The following ZC3H8 variants were observed in gnomAD, a reference collection of about 807,000 sequenced individuals.
ZC3H8 encodes zinc finger CCCH domain-containing protein 8.
Under a neutral mutation model 42.5 loss-of-function variants are expected in ZC3H8, and 27 were observed. The ratio of observed to expected loss-of-function variants is 0.64; its 90% CI spans 0.47 to 0.88. The LOEUF (loss-of-function observed/expected upper bound fraction) is 0.88. Among genes scored for constraint, ZC3H8 ranks in the 40% least tolerant of loss-of-function variants. The probability of loss-of-function intolerance (pLI) is 0.00; values close to 1 mark genes in which losing one functional copy is unlikely to be tolerated. For missense variants in ZC3H8, 277 were observed against 336.1 expected, an observed-to-expected ratio of 0.82 and a Z score of 1.37; for synonymous variants, 101 against 110.1, an observed-to-expected ratio of 0.92 and a Z score of 0.52.
At chr2:112,245,546 C>T (rs995410182) in intron 2 of ZC3H8, among the ~76,000 whole-genome samples, 5 of 152,054 alleles carry the variant, frequency 3.3e-5, no homozygotes, top group African/African-American at 1.2e-4. Context: ...CCCAGCTACT[C>T]AGGAGGCTGA....
At chr2:112,252,775 T>C (rs1685994204) in intron 1 of ZC3H8, among the ~76,000 whole-genome samples, 1 of 152,076 alleles carries the variant, frequency 6.6e-6, no homozygotes, top group African/African-American at 2.4e-5. Flanking sequence ...CCTCACCTCC[T>C]TCAGGTCCCT....
intron 8 of ZC3H8, among the ~76,000 whole-genome samples, chr2:112,227,251 G>A (rs998871883): frequency 9.2e-5 from 14 of 152,332 alleles, no homozygotes; most frequent in African/African-American, 2.4e-4. Flanking sequence ...GCAGCTGGGC[G>A]CGGTGGCTCA....
chr2:112,221,026 T>G (rs547351338), intron 8 of ZC3H8, among the ~76,000 whole-genome samples: 139 of 152,344 alleles, frequency 9.1e-4, no homozygotes, highest in African/African-American at 3.2e-3. Context: ...GAAATTTTCA[T>G]GGACAATATC....
At chr2:112,218,778 G>A (rs971863263) in intron 8 of ZC3H8, among the ~76,000 whole-genome samples, 2 of 152,172 alleles carry the variant, frequency 1.3e-5, no homozygotes, top group South Asian at 4.1e-4. Flanking sequence ...ATTTTGAGGA[G>A]TGAAAAGTTA....
chr2:112,245,701 C>T (rs560468324), intron 2 of ZC3H8, among the ~76,000 whole-genome samples: 1 of 152,258 alleles, frequency 6.6e-6, no homozygotes, highest in South Asian at 2.1e-4. Flanking sequence ...GTAAAAGCTG[C>T]AAATTATCCA....
chr2:112,231,226 C>G (rs1348401690), intron 7 of ZC3H8, among the ~76,000 whole-genome samples: 1 of 152,110 alleles, frequency 6.6e-6, no homozygotes, highest in Admixed American at 6.5e-5. Context: ...TAAACAAGCA[C>G]CTTTGACTTT....
At chr2:112,216,853 T>C (rs1357268006) in intron 8 of ZC3H8, among the ~76,000 whole-genome samples, 2 of 151,102 alleles carry the variant, frequency 1.3e-5, no homozygotes, top group Non-Finnish European at 2.9e-5. Context: ...AAAAATGAGA[T>C]GAAGAAAGAA....
chr2:112,242,886 G>A lies in ZC3H8; in HGVS notation c.157-4358C>T, dbSNP rs200621551. On this transcript the variant is annotated intron_variant, in intron 2 of 8. Transcript: ENST00000409573. ...AAACAAAAACAAGACTATAATCAAAGTAAGTTTCATTTGTAGCCAAAGAAA... is the reference window on the plus strand; with the variant it reads ...AAACAAAAACAAGACTATAATCAAAATAAGTTTCATTTGTAGCCAAAGAAA... Among the ~76,000 whole-genome samples the A allele has an allele frequency of 3.3e-5, 5 of 152,144 alleles. No individual in the cohort carries two copies. In the East Asian group the frequency reaches 9.6e-4, roughly 29 times the overall value.
At chr2:112,222,226 C>CAGAT (rs1684619946) in intron 8 of ZC3H8, among the ~76,000 whole-genome samples, 1 of 152,128 alleles carries the variant, frequency 6.6e-6, no homozygotes, top group Admixed American at 6.5e-5. Flanking sequence ...CCTCAGTTGA[C>CAGAT]AGATAGGTTG....
intron 2 of ZC3H8, among the ~76,000 whole-genome samples, chr2:112,245,598 G>A (rs1365175966): frequency 1.3e-5 from 2 of 152,192 alleles, no homozygotes; most frequent in African/African-American, 4.8e-5. Context: ...ACGATGCAGT[G>A]AGCCAAGGTA....
chr2:112,231,059 A>G (rs1685064193), intron 7 of ZC3H8, 109 bp from the exon 8 acceptor site: 1 of 701,198 alleles, frequency 1.4e-6, no homozygotes, highest in South Asian at 3.2e-5. Flanking sequence ...CATCCTAATA[A>G]TCATCTAATA....
intron 1 of ZC3H8, chr2:112,253,984 G>A (rs1245633738): frequency 6.3e-6 from 2 of 317,654 alleles, no homozygotes; most frequent in Non-Finnish European, 9.1e-6. Context: ...TGCAATCTCG[G>A]CAGGTTATTT....
At chr2:112,228,023 GCTTC>G (rs1213092710) in intron 8 of ZC3H8, among the ~76,000 whole-genome samples, 2 of 152,178 alleles carry the variant, frequency 1.3e-5, no homozygotes, top group Non-Finnish European at 1.5e-5. Flanking sequence ...GACAGCTTAC[GCTTC>G]CTTATTTCAA....
intron 8 of ZC3H8, among the ~76,000 whole-genome samples, chr2:112,228,348 C>T (rs1450075432): frequency 6.6e-6 from 1 of 151,886 alleles, no homozygotes; most frequent in African/African-American, 2.4e-5. Flanking sequence ...CTAAAAATAA[C>T]AAAAATTAGG....
chr2:112,253,879 T>A (rs967183221), intron 1 of ZC3H8: 3 of 152,670 alleles, frequency 2.0e-5, no homozygotes, highest in Non-Finnish European at 4.4e-5. Flanking sequence ...CTCTTTCCAA[T>A]ATTTATAGGG....
At chr2:112,228,603 T>C (rs999316159) in intron 8 of ZC3H8, among the ~76,000 whole-genome samples, 2 of 151,664 alleles carry the variant, frequency 1.3e-5, no homozygotes, top group Admixed American at 1.3e-4. Context: ...AAATGAATCA[T>C]AGACATAAAC....
Position 112,236,622 on chromosome 2 carries a change from C to A in ZC3H8, c.444G>T (p.Trp148Cys). Reference sequence around the variant, plus strand: ...TTGATCCTTTGTTTCCAGGGCCAGGCCATTTTCGCTTCATTTTCTTCTGTT... The same window carrying A: ...TTGATCCTTTGTTTCCAGGGCCAGGACATTTTCGCTTCATTTTCTTCTGTT... Reference protein sequence around the residue: ...NGKQKKMKRKWPGPGNKGSNA... With the variant: ...NGKQKKMKRKCPGPGNKGSNA... Residue 148 changes from tryptophan (W) to cysteine (C), a missense_variant, in exon 4 of 9, where the codon TGG (tryptophan) becomes TGT (cysteine). Trp to Cys is a radical substitution (Grantham distance 215, BLOSUM62 -2). Transcript: ENST00000409573. The A allele has an allele frequency of 1.2e-6, 2 of 1,613,956 alleles. No individual in the cohort carries two copies. The highest frequency in any genetic ancestry group is 1.7e-6 in the Non-Finnish European group (2 of 1,179,900).
At chr2:112,242,488 A>G (rs1240539926) in intron 2 of ZC3H8, among the ~76,000 whole-genome samples, 1 of 152,180 alleles carries the variant, frequency 6.6e-6, no homozygotes, top group Non-Finnish European at 1.5e-5. Flanking sequence ...TAAATTGACA[A>G]CATTTTGAGT....
chr2:112,227,720 T>A (rs943452802), intron 8 of ZC3H8, among the ~76,000 whole-genome samples: 8 of 152,172 alleles, frequency 5.3e-5, no homozygotes, highest in Admixed American at 2.6e-4. Context: ...TACAATTCCA[T>A]TCAATAGCAT....
Sources: allele counts gnomAD v4.1 joint callset (sites outside exome capture counted in the v4.1 genomes callset), GRCh38; gene constraint gnomAD v4.1.1; transcripts MANE v1.5; gene names NCBI Gene and HGNC (gene_info 2026-07-23, HGNC 2026-07-21).